The following RPP40 variants were observed in gnomAD, a reference collection of about 807,000 sequenced individuals.
The protein encoded by RPP40 is ribonuclease P protein subunit p40.
A neutral mutation model predicts 42.5 loss-of-function variants in RPP40; 30 were observed. That is an observed-to-expected ratio of 0.71 (90% CI 0.53 to 0.96). The LOEUF (loss-of-function observed/expected upper bound fraction) is 0.96, where lower values mean the gene tolerates loss of function less well. Ranked by LOEUF, RPP40 falls within the 40% of genes least tolerant of loss-of-function variation. The pLI, the probability that RPP40 is intolerant of heterozygous loss-of-function variation, is 0.00. For missense variants in RPP40, 426 were observed against 433.5 expected (o/e 0.98, Z 0.15); for synonymous variants, 173 against 164.0 (o/e 1.05, Z -0.42).
In RPP40 at chr6:5,001,396, C is replaced by T. The variant is rs186622073; in HGVS notation, c.268+705G>A. Among the ~76,000 whole-genome samples the T allele has an allele frequency of 1.9e-3, 293 of 152,294 alleles. 1 individual carries two copies. Among genetic ancestry groups the T allele is most frequent in the African/African-American group, 6.6e-3 (274 of 41,552 alleles). On this transcript the variant is annotated intron_variant, in intron 2 of 7. Transcript: ENST00000380051. ...GACAAGATGCCCAGCTCATAAGTCG[C>T]CCCAGCAGTGTCAGAATGAGAGGAG...
intron 1 of RPP40, chr6:5,003,573 T>G (rs1411024623): frequency 3.7e-6 from 1 of 272,398 alleles, no homozygotes; most frequent in East Asian, 7.3e-5. Flanking sequence ...CTCGAATCCC[T>G]CCCTGGACTC....
chr6:4,998,975 A>C, intron 4 of RPP40, 134 bp from the exon 5 acceptor site: 2 of 530,984 alleles, frequency 3.8e-6, no homozygotes, highest in South Asian at 3.5e-5. Flanking sequence ...TTCTTCTTCC[A>C]CTCCCTTTGG....
chr6:4,990,542 G>A (rs562402478), downstream of RPP40, among the ~76,000 whole-genome samples: 7 of 152,110 alleles, frequency 4.6e-5, no homozygotes, highest in African/African-American at 7.2e-5. Flanking sequence ...GGAGTGCAGT[G>A]GTGTGATCAT....
At chr6:5,003,659 G>GC (rs950646443) in intron 1 of RPP40, 48 of 505,692 alleles carry the variant, frequency 9.5e-5, no homozygotes, top group Non-Finnish European at 1.5e-4. Context: ...ACTGGGTACC[G>GC]CCCCCACGCC....
At position 4,994,948 on chromosome 6, in the gene RPP40, G is replaced by T; in HGVS notation, c.*130C>A. ...CAGATGGGTCTCAGGTGCAGGGCAG[G>T]ATGCCAGCAAATGCTGATCTGAGAA... On this transcript the variant is annotated 3_prime_UTR_variant, in exon 8 of 8. Coordinates refer to ENST00000380051, the MANE Select transcript of RPP40 (RefSeq NM_006638.4). 2.5e-6 allele frequency: 2 copies of T among 789,486 alleles called. No homozygotes were observed. The highest frequency in any genetic ancestry group is 4.0e-6 in the Non-Finnish European group (2 of 502,266). The allele number at this position is 789,486 out of a possible 1,614,324, so 48.9% of individuals were successfully genotyped here.
intron 4 of RPP40, 100 bp downstream of exon 4, chr6:4,999,709 G>T: frequency 7.2e-6 from 5 of 695,214 alleles, no homozygotes; most frequent in Non-Finnish European, 1.3e-5. Flanking sequence ...TTTTTAAAAG[G>T]CCACATTTTT....
intron 2 of RPP40, 22 bp from the exon 3 acceptor site, chr6:5,000,653 A>G: frequency 6.9e-7 from 1 of 1,440,298 alleles, no homozygotes; most frequent in Non-Finnish European, 9.7e-7. Flanking sequence ...AGTACAGAGG[A>G]AAAATTTAAA....
In RPP40 at chr6:4,995,041, G is replaced by A. The variant is rs62385117; in HGVS notation, c.*37C>T. The A allele has an allele frequency of 0.031, 48,404 of 1,539,474 alleles. 873 individuals are homozygous for A. The highest frequency in any genetic ancestry group is 0.05 in the South Asian group (4,372 of 87,454). On this transcript the variant is annotated 3_prime_UTR_variant, in exon 8 of 8. Coordinates refer to ENST00000380051, the MANE Select transcript of RPP40 (RefSeq NM_006638.4). ...ACCATTAAGAAATCTGAAAGCAAGCGTAAATGTAAGTAAACACGATTTTTA... is the reference window on the plus strand; with the variant it reads ...ACCATTAAGAAATCTGAAAGCAAGCATAAATGTAAGTAAACACGATTTTTA...
Position 5,004,013 on chromosome 6 carries a change from G to C in RPP40, c.-11C>G. The C allele has an allele frequency of 3.1e-6, 5 of 1,591,900 alleles. No individual in the cohort carries two copies. The highest frequency in any genetic ancestry group is 2.2e-5 in the South Asian group (2 of 90,406). On this transcript the variant is annotated 5_prime_UTR_variant, in exon 1 of 8. Coordinates refer to ENST00000380051, the MANE Select transcript of RPP40 (RefSeq NM_006638.4). ...GCGCAGCGTGGCCATGCTCTCCTGG[G>C]TTCCTGGTCCTCCCGGCCTCCGCTG...
At position 4,998,852 on chromosome 6, in the gene RPP40, GA is replaced by G. The variant is rs1314051335; in HGVS notation, c.434-12del. Reference sequence around the variant, plus strand: ...AATCAATGGAAACAACTTTAAAAATGAAAAAAAGAACATATATTTCATTCAT... The same window carrying G: ...AATCAATGGAAACAACTTTAAAAATGAAAAAAGAACATATATTTCATTCAT... On this transcript the variant is annotated splice_polypyrimidine_tract_variant and intron_variant, in intron 4 of 7. Transcript: ENST00000380051. 3.6e-6 allele frequency: 5 copies of G among 1,372,080 alleles called. No homozygotes were observed. The highest frequency in any genetic ancestry group is 4.0e-6 in the Non-Finnish European group (4 of 1,007,498). The allele number at this position is 1,372,080 out of a possible 1,614,324, so 85.0% of individuals were successfully genotyped here. A position where few individuals can be genotyped will look rare whatever the true frequency, so the allele number is the denominator to read the frequency against.
rs61730291 is a variant in RPP40, at chr6:4,996,377, T to C, written c.603A>G (p.Gln201=). 1.1e-5 allele frequency: 17 copies of C among 1,613,904 alleles called. No individual in the cohort carries two copies. The African/African-American group carries it at 1.3e-4, about 13-fold the overall frequency. The stretch of plus-strand genomic sequence containing the variant: ...CTACTTTTGGCTGATGCTCCTGAAT[T>C]TGGTACTTGGAAAAATATGACATCA... ...STMMSYFSKY[Q]IQEHQPKVAL... is the part of the protein sequence containing the mutation. The change falls in exon 6 of 8, where the codon CAA becomes CAG. Residue 201 remains glutamine (Q), a synonymous_variant. Transcript: ENST00000380051.
downstream of RPP40, among the ~76,000 whole-genome samples, chr6:4,992,368 C>CAAAAA (rs56244686): frequency 1.8e-5 from 2 of 108,722 alleles, no homozygotes; most frequent in African/African-American, 6.6e-5. Flanking sequence ...GGCTCTGTCT[C>CAAAAA]AAAAAAAAAA....
chr6:5,002,740 G>C (rs1759601719), intron 1 of RPP40, among the ~76,000 whole-genome samples: 1 of 152,196 alleles, frequency 6.6e-6, no homozygotes, highest in African/African-American at 2.4e-5. Flanking sequence ...TCATTTTCGA[G>C]ACAGAAAAAT....
intron 1 of RPP40, chr6:5,003,564 T>A: frequency 4.3e-6 from 1 of 233,052 alleles, no homozygotes; most frequent in East Asian, 9.1e-5. Flanking sequence ...GCCCTGAACC[T>A]CGAATCCCTC....
chr6:4,999,047 G>C (rs950528023), intron 4 of RPP40, among the ~76,000 whole-genome samples: 22 of 152,122 alleles, frequency 1.4e-4, no homozygotes, highest in African/African-American at 4.1e-4. Context: ...AATAAAAACA[G>C]ACATTTTCAA....
Position 4,995,290 on chromosome 6 carries a change from A to G in RPP40, c.894-14T>C. On this transcript the variant is annotated splice_polypyrimidine_tract_variant and intron_variant, in intron 7 of 7. Coordinates refer to ENST00000380051, the MANE Select transcript of RPP40 (RefSeq NM_006638.4). ...TCAAAGTAGTGACTGAAAAAAAGGT[A>G]GTTGTTAAACAGAGTTTTAAAAGAG... 1.3e-6 allele frequency: 2 copies of G among 1,595,880 alleles called. No individual in the cohort carries two copies. Among genetic ancestry groups the G allele is most frequent in the Non-Finnish European group, 1.7e-6 (2 of 1,166,698 alleles).
chr6:4,999,754 A>T, intron 4 of RPP40, 55 bp downstream of exon 4: 1 of 1,029,452 alleles, frequency 9.7e-7, no homozygotes, highest in Non-Finnish European at 1.5e-6. Context: ...TCAAACATTT[A>T]AATTTAAATT....
rs1759584429 is a variant in RPP40 at position 5,002,223 on chromosome 6, C to T, written c.146G>A (p.Cys49Tyr). The T allele has an allele frequency of 6.2e-6, 10 of 1,612,882 alleles. No individual in the cohort carries two copies. The East Asian group carries it at 2.0e-4, about 32-fold the overall frequency. ...NYRVSFLIPE[C>Y]GILSEELKNL... The stretch of plus-strand genomic sequence containing the variant: ...TTTCAGTTCTTCCGATAGTATCCCA[C>T]ATTCAGGAATGAGAAATGAAACCTA... The change falls in exon 2 of 8, where the codon TGT becomes TAT. Residue 49 changes from cysteine to tyrosine, a missense_variant. Physicochemically the swap from Cys to Tyr is radical, Grantham distance 194. Coordinates refer to ENST00000380051, the MANE Select transcript of RPP40 (RefSeq NM_006638.4).
Position 4,996,242 on chromosome 6 carries a change from G to A in RPP40, c.738C>T (p.Ala246=), listed in dbSNP as rs1187509777. 17 of 1,613,822 alleles carry A rather than the reference G, an allele frequency of 1.1e-5. No individual in the cohort carries two copies. Among genetic ancestry groups the A allele is most frequent in the Middle Eastern group, 1.6e-4 (1 of 6,062 alleles). Residue 246 remains alanine (A), a synonymous_variant, in exon 6 of 8, where the codon GCC becomes GCT. Transcript: ENST00000380051. ...CCCACAGGTCGACATTACTGAAGAC[G>A]GCGCCGAGCCAGTCGAAGAGCTCCA... ...RALELFDWLG[A]VFSNVDLNNE...
Sources: gnomAD v4.1 joint callset for allele counts (sites outside exome capture counted in the v4.1 genomes callset) on GRCh38, gnomAD v4.1.1 for gene constraint, MANE v1.5 for transcripts, NCBI Gene and HGNC (gene_info 2026-07-23, HGNC 2026-07-21) for gene names.